The following TOP1 variants were observed in gnomAD, a reference collection of about 807,000 sequenced individuals.
TOP1 encodes DNA topoisomerase 1.
A neutral mutation model predicts 111.1 loss-of-function variants in TOP1; 10 were observed. The ratio of observed to expected loss-of-function variants is 0.09; its 90% confidence interval spans 0.06 to 0.15. The LOEUF (loss-of-function observed/expected upper bound fraction) is 0.15, where lower values mean the gene tolerates loss of function less well. Among genes scored for constraint, TOP1 ranks in the 10% least tolerant of loss-of-function variants. The pLI is 1.00. For synonymous variants in TOP1, 271 were observed against 302.9 expected, an observed-to-expected ratio of 0.89 and a Z score of 1.10; for missense variants, 474 against 926.7, an observed-to-expected ratio of 0.51 and a Z score of 6.34.
Position 41,029,872 on chromosome 20 carries a change from A to G in TOP1, c.58+417A>G, listed in dbSNP as rs1221674441. 1 of 216,678 alleles carries G rather than the reference A, an allele frequency of 4.6e-6. No individual in the cohort carries two copies. Among genetic ancestry groups the G allele is most frequent in the South Asian group, 6.5e-5 (1 of 15,494 alleles). 13.4% of individuals were successfully genotyped at this position (216,678 alleles called of 1,614,324 possible). On this transcript the variant is annotated intron_variant, in intron 2 of 20. Transcript: ENST00000361337. This position sits in a 1 kb window ranked among gnomAD's most constrained non-coding sequence, Gnocchi z 6.1. ...GCTGCCCAGAATGAGCTTTCTGCAG[A>G]GCAAAGCCGTATAAATCACATACTT...
chr20:41,066,519 A>G (rs956349832), intron 3 of TOP1, among the ~76,000 whole-genome samples: 6 of 151,390 alleles, frequency 4.0e-5, no homozygotes, highest in African/African-American at 9.7e-5. Flanking sequence ...GGTAAATTCA[A>G]TAATTTGTTG....
rs1192065538 is a variant in TOP1, at chr20:41,078,322, T to C, written c.335+685T>C. 6.6e-6 allele frequency among the ~76,000 whole-genome samples: 1 copy of C among 152,204 alleles called. No individual in the cohort carries two copies. The highest frequency in any genetic ancestry group is 2.4e-5 in the African/African-American group (1 of 41,460). On this transcript the variant is annotated intron_variant, in intron 5 of 20. Coordinates refer to ENST00000361337, the MANE Select transcript of TOP1 (RefSeq NM_003286.4). The surrounding 1 kb of genome is among the most constrained non-coding windows in gnomAD (Gnocchi z 5.3). ...CCCCTCTAGTTTCGAAACAACTAGA[T>C]GTTTATTGTTACATATTCTCACTTC...
At chr20:41,096,041 C>T (rs180865104) in intron 9 of TOP1, among the ~76,000 whole-genome samples, 1 of 152,284 alleles carries the variant, frequency 6.6e-6, no homozygotes, top group East Asian at 1.9e-4. Flanking sequence ...TAGCAGCTTT[C>T]ATTGTGAAAA....
chr20:41,113,721 A>AC (rs1207065879), intron 14 of TOP1, among the ~76,000 whole-genome samples: 1 of 151,214 alleles, frequency 6.6e-6, no homozygotes, highest in Non-Finnish European at 1.5e-5. Context: ...AATACAAAAA[A>AC]AAAAAAAAAA....
intron 8 of TOP1, among the ~76,000 whole-genome samples, chr20:41,085,690 CT>C (rs200727147): frequency 0.016 from 2,364 of 152,286 alleles, 38 homozygotes; most frequent in Middle Eastern, 0.095. Context: ...GAGGTAATCA[CT>C]GTTCATAATT....
intron 2 of TOP1, among the ~76,000 whole-genome samples, chr20:41,039,781 G>A (rs1032604286): frequency 6.6e-6 from 1 of 152,042 alleles, no homozygotes; most frequent in African/African-American, 2.4e-5. Context: ...GGTGGCGGGC[G>A]CCTGTAGTCC....
At position 41,080,070 on chromosome 20, in the gene TOP1, T is replaced by C; in HGVS notation, c.336-15T>C. On this transcript the variant is annotated splice_polypyrimidine_tract_variant and intron_variant, in intron 5 of 20. Coordinates refer to ENST00000361337, the MANE Select transcript of TOP1 (RefSeq NM_003286.4). The surrounding 1 kb of genome is among the most constrained non-coding windows in gnomAD (Gnocchi z 5.0). ...ATGTTCTAGCACTCTGACCAGCAAT[T>C]TTTTTTCTCTTTAGTCCACCACAAA... 2 of 1,559,078 alleles carry C rather than the reference T, an allele frequency of 1.3e-6. No individual in the cohort carries two copies. Among genetic ancestry groups the C allele is most frequent in the Non-Finnish European group, 1.8e-6 (2 of 1,134,740 alleles).
chr20:41,120,138 C>T (rs532954800), intron 18 of TOP1, among the ~76,000 whole-genome samples: 1 of 152,212 alleles, frequency 6.6e-6, no homozygotes, highest in South Asian at 2.1e-4. Flanking sequence ...TTGACATAGC[C>T]TGCCAATTTA....
At chr20:41,089,459 C>T (rs745841723) in intron 8 of TOP1, among the ~76,000 whole-genome samples, 2 of 152,218 alleles carry the variant, frequency 1.3e-5, no homozygotes, top group East Asian at 1.9e-4. Context: ...AGAATGTCAA[C>T]GCTCGTCCAT....
In TOP1 at chr20:41,113,960, T is replaced by C. The variant is rs1231760612; in HGVS notation, c.1453-10T>C. 2.5e-6 allele frequency: 4 copies of C among 1,611,162 alleles called. No homozygotes were observed. Among genetic ancestry groups the C allele is most frequent in the Non-Finnish European group, 3.4e-6 (4 of 1,177,836 alleles). On this transcript the variant is annotated splice_polypyrimidine_tract_variant and intron_variant, in intron 14 of 20. Transcript: ENST00000361337. ...CATTCATGCTCATCTTTTCTTTCTT[T>C]CCTGGGCAGCTTGCTCTGAGAGCAG...
chr20:41,029,408 A>C lies in TOP1; in HGVS notation c.34-23A>C. Reference sequence around the variant, plus strand: ...GGGGTTAAAGTGGCTGTTGTTTGATATTCTCTCCTTTTCTTTTTCCAGATC... The same window carrying C: ...GGGGTTAAAGTGGCTGTTGTTTGATCTTCTCTCCTTTTCTTTTTCCAGATC... On this transcript the variant is annotated intron_variant, in intron 1 of 20. Transcript: ENST00000361337. This position sits in a 1 kb window ranked among gnomAD's most constrained non-coding sequence, Gnocchi z 6.1. 6.8e-7 allele frequency: 1 copy of C among 1,465,792 alleles called. No homozygotes were observed. Among genetic ancestry groups the C allele is most frequent in the Non-Finnish European group, 9.1e-7 (1 of 1,104,770 alleles). 90.8% of individuals were successfully genotyped at this position (1,465,792 alleles called of 1,614,324 possible).
chr20:41,111,247 G>A (rs2034235064), intron 13 of TOP1, among the ~76,000 whole-genome samples: 1 of 152,160 alleles, frequency 6.6e-6, no homozygotes, highest in Admixed American at 6.5e-5. Context: ...TGTAAGAACA[G>A]TTGTCATGGA....
intron 11 of TOP1, among the ~76,000 whole-genome samples, chr20:41,099,743 C>T (rs1809226445): frequency 6.6e-6 from 1 of 152,134 alleles, no homozygotes; most frequent in South Asian, 2.1e-4. Context: ...TTTGATAGTA[C>T]TCAGTAAAAC....
intron 8 of TOP1, among the ~76,000 whole-genome samples, chr20:41,088,155 A>T (rs540507658): frequency 1.1e-4 from 17 of 152,346 alleles, no homozygotes; most frequent in African/African-American, 4.1e-4. Flanking sequence ...GGTCTTCAGG[A>T]TACACATGTT....
chr20:41,040,960 C>A (rs1169818320), intron 2 of TOP1, among the ~76,000 whole-genome samples: 1 of 152,048 alleles, frequency 6.6e-6, no homozygotes, highest in Non-Finnish European at 1.5e-5. Context: ...TTTAGGAAGG[C>A]ACTAGGTATT....
At chr20:41,074,353 T>G (rs2145933854) in intron 3 of TOP1, among the ~76,000 whole-genome samples, 1 of 152,344 alleles carries the variant, frequency 6.6e-6, no homozygotes, top group Non-Finnish European at 1.5e-5. Context: ...TCCAGTGTGC[T>G]CTGTTCTCAT....
chr20:41,073,374 G>GAA (rs397692656), intron 3 of TOP1: 94 of 747,554 alleles, frequency 1.3e-4, no homozygotes, highest in African/African-American at 1.2e-3. Flanking sequence ...GGAAGACAAT[G>GAA]AAAAAAAAAA....
At chr20:41,090,703 G>A (rs1240874894) in intron 8 of TOP1, among the ~76,000 whole-genome samples, 1 of 151,852 alleles carries the variant, frequency 6.6e-6, no homozygotes, top group African/African-American at 2.4e-5. Flanking sequence ...GGGGGGTCTC[G>A]CCATGTTGGC....
In TOP1 at chr20:41,090,842, G is replaced by A. The variant is rs140040934; in HGVS notation, c.615-1630G>A. On this transcript the variant is annotated intron_variant, in intron 8 of 20. Transcript: ENST00000361337. ...ATTCTTTTTGTTACCTGTGTTTTACGTGTCATATCCAATAAATCACTGTCA... is the reference window on the plus strand; with the variant it reads ...ATTCTTTTTGTTACCTGTGTTTTACATGTCATATCCAATAAATCACTGTCA... Among the ~76,000 whole-genome samples, 1,207 of 152,252 alleles carry A rather than the reference G, an allele frequency of 7.9e-3. 8 individuals are homozygous for A. The highest frequency in any genetic ancestry group is 0.019 in the South Asian group (91 of 4,826).
Sources: allele counts gnomAD v4.1 joint callset (sites outside exome capture counted in the v4.1 genomes callset), GRCh38; gene constraint gnomAD v4.1.1; non-coding constraint Gnocchi (gnomAD v3.1); transcripts MANE v1.5; gene names NCBI Gene and HGNC (gene_info 2026-07-23, HGNC 2026-07-21).